DOCK2: variants seen among roughly 807,000 people sequenced by gnomAD.
DOCK2 encodes dedicator of cytokinesis 2.
In DOCK2, 87 loss-of-function variants were observed where a neutral mutation model predicts 248.9. The ratio of observed to expected loss-of-function variants is 0.35; its 90% CI spans 0.29 to 0.42. The LOEUF (loss-of-function observed/expected upper bound fraction) is 0.42, where lower values mean the gene tolerates loss of function less well. Ranked by LOEUF, DOCK2 falls within the 10% of genes least tolerant of loss-of-function variation. DOCK2 has a pLI of 1.00. For missense variants in DOCK2, 1,747 were observed against 2,300.2 expected (o/e 0.76, Z 4.92); for synonymous variants, 805 against 821.6 (o/e 0.98, Z 0.35).
chr5:169,926,374 C>G (rs1022930497), intron 27 of DOCK2, among the ~76,000 whole-genome samples: 2 of 152,166 alleles, frequency 1.3e-5, no homozygotes, highest in African/African-American at 4.8e-5. Flanking sequence ...TATCCTCTAC[C>G]TTTTTCAACT....
chr5:169,858,736 C>T (rs1771021692), intron 27 of DOCK2, among the ~76,000 whole-genome samples: 1 of 152,182 alleles, frequency 6.6e-6, no homozygotes, highest in African/African-American at 2.4e-5. Context: ...GGTACGGTGT[C>T]GTGCACCTGT....
intron 21 of DOCK2, 86 bp from the exon 22 acceptor site, chr5:169,718,571 C>T (rs1762024301): frequency 6.7e-7 from 1 of 1,483,144 alleles, no homozygotes; most frequent in South Asian, 1.4e-5. Flanking sequence ...CACCTTTAAC[C>T]TTTGATTGAA....
At chr5:169,824,714 C>T (rs150865009) in intron 26 of DOCK2, among the ~76,000 whole-genome samples, 73 of 152,264 alleles carry the variant, frequency 4.8e-4, no homozygotes, top group African/African-American at 1.7e-3. Flanking sequence ...TAGGCATGGG[C>T]GAAGACTTCA....
At chr5:170,016,010 C>T (rs1755526982) in intron 32 of DOCK2, among the ~76,000 whole-genome samples, 4 of 152,056 alleles carry the variant, frequency 2.6e-5, no homozygotes, top group African/African-American at 9.7e-5. Context: ...CTACAGTCCA[C>T]TCCTGGGAGG....
At chr5:169,800,379 T>C (rs983126460) in intron 25 of DOCK2, among the ~76,000 whole-genome samples, 1 of 152,232 alleles carries the variant, frequency 6.6e-6, no homozygotes, top group African/African-American at 2.4e-5. Flanking sequence ...ATTATCCACT[T>C]GTCACGGACT....
chr5:169,957,789 G>C (rs1776927266), intron 27 of DOCK2, among the ~76,000 whole-genome samples: 1 of 152,210 alleles, frequency 6.6e-6, no homozygotes, highest in Non-Finnish European at 1.5e-5. Context: ...AAAGCTGGTA[G>C]AGCTCCATGT....
At chr5:170,053,699 G>A (rs59646245) in intron 41 of DOCK2, among the ~76,000 whole-genome samples, 14,368 of 152,244 alleles carry the variant, frequency 0.094, 1,297 homozygotes, top group East Asian at 0.44. Flanking sequence ...TTATTCATTC[G>A]TGTTAAACAT....
At chr5:170,017,302 G>A (rs1377353003) in intron 32 of DOCK2, among the ~76,000 whole-genome samples, 3 of 152,128 alleles carry the variant, frequency 2.0e-5, no homozygotes, top group Non-Finnish European at 4.4e-5. Flanking sequence ...GACAATGGAT[G>A]AAACCAGGAT....
chr5:169,835,168 G>C (rs1769481679), intron 26 of DOCK2, among the ~76,000 whole-genome samples: 1 of 151,326 alleles, frequency 6.6e-6, no homozygotes, highest in Admixed American at 6.6e-5. Context: ...ATTGATCAAA[G>C]CAAAATTATA....
At chr5:169,971,242 T>C (rs982697922) in intron 27 of DOCK2, among the ~76,000 whole-genome samples, 1 of 150,604 alleles carries the variant, frequency 6.6e-6, no homozygotes, top group Non-Finnish European at 1.5e-5. Flanking sequence ...AATGAATCAA[T>C]GAAGTATCAT....
chr5:169,889,945 T>C (rs1051143026), intron 27 of DOCK2, among the ~76,000 whole-genome samples: 2 of 152,260 alleles, frequency 1.3e-5, no homozygotes, highest in African/African-American at 2.4e-5. Flanking sequence ...GTCCCTTCTC[T>C]GAACTTAGTA....
intron 27 of DOCK2, among the ~76,000 whole-genome samples, chr5:169,979,574 G>A (rs1777866510): frequency 6.6e-6 from 1 of 152,050 alleles, no homozygotes; most frequent in South Asian, 2.1e-4. Context: ...CATTCACATC[G>A]GTGTGATTTC....
chr5:169,970,018 A>G (rs1029034371), intron 27 of DOCK2, among the ~76,000 whole-genome samples: 1 of 152,264 alleles, frequency 6.6e-6, no homozygotes, highest in Non-Finnish European at 1.5e-5. Flanking sequence ...TGAGGCCTAC[A>G]GGCTGCCTTT....
At chr5:169,883,378 A>T (rs1280336930) in intron 27 of DOCK2, 1 of 1,551,516 alleles carries the variant, frequency 6.4e-7, no homozygotes. Flanking sequence ...CACCTTGGGG[A>T]CCCTTGGGAG....
chr5:169,915,557 AACACACACACACAC>A (rs56728646), intron 27 of DOCK2, among the ~76,000 whole-genome samples: 334 of 143,486 alleles, frequency 2.3e-3, no homozygotes, highest in South Asian at 7.9e-3. Flanking sequence ...ATTGACAGGG[AACACACACACACAC>A]ACACACACAC....
At chr5:169,913,931 A>G (rs984034534) in intron 27 of DOCK2, among the ~76,000 whole-genome samples, 1 of 152,216 alleles carries the variant, frequency 6.6e-6, no homozygotes, top group Admixed American at 6.5e-5. Context: ...AGAAAATGAG[A>G]TTGTGTCCAT....
intron 6 of DOCK2, among the ~76,000 whole-genome samples, chr5:169,675,642 A>G (rs898495914): frequency 6.6e-5 from 10 of 152,194 alleles, no homozygotes; most frequent in Non-Finnish European, 1.3e-4. Context: ...TAAGCAGGCT[A>G]AAAAAGGAGA....
At chr5:169,746,259 A>G (rs1277144252) in intron 22 of DOCK2, among the ~76,000 whole-genome samples, 4 of 152,162 alleles carry the variant, frequency 2.6e-5, no homozygotes, top group Non-Finnish European at 5.9e-5. Context: ...ACTCAAGAAG[A>G]TAAACAGAAG....
In DOCK2 at chr5:169,819,514, A is replaced by G. The variant is rs146599244; in HGVS notation, c.2703+16308A>G. Among the ~76,000 whole-genome samples, 463 of 152,298 alleles carry G rather than the reference A, an allele frequency of 3.0e-3. 3 individuals carry two copies. Among genetic ancestry groups the G allele is most frequent in the African/African-American group, 0.01 (433 of 41,554 alleles). ...CATGCACCTGTAGTCCCGGCTACTC[A>G]GGAAGCTGAGGTGGGAGGATCACTG... On this transcript the variant is annotated intron_variant, in intron 26 of 51. Coordinates refer to ENST00000520908, the MANE Select transcript of DOCK2 (RefSeq NM_004946.3).
Sources: gnomAD v4.1 joint callset for allele counts (sites outside exome capture counted in the v4.1 genomes callset) on GRCh38, gnomAD v4.1.1 for gene constraint, MANE v1.5 for transcripts, NCBI Gene and HGNC (gene_info 2026-07-23, HGNC 2026-07-21) for gene names.